The following CAPRIN2 variants were observed in gnomAD, a reference collection of about 807,000 sequenced individuals.
CAPRIN2 encodes the protein caprin family member 2, also known as caprin-2.
A neutral mutation model predicts 130.4 loss-of-function variants in CAPRIN2; 66 were observed. The observed-to-expected ratio is 0.51, with a 90% CI of 0.42 to 0.62. The LOEUF (loss-of-function observed/expected upper bound fraction) is 0.62, where lower values mean the gene tolerates loss of function less well. Ranked by LOEUF, CAPRIN2 falls within the 20% of genes least tolerant of loss-of-function variation. The probability of loss-of-function intolerance (pLI) is 0.00; values close to 1 mark genes in which losing one functional copy is unlikely to be tolerated. For synonymous variants in CAPRIN2, 471 were observed against 444.1 expected, an observed-to-expected ratio of 1.06 and a Z score of -0.76; for missense variants, 1,185 against 1,246.6, an observed-to-expected ratio of 0.95 and a Z score of 0.74.
At chr12:30,725,646 C>A (rs1299231951) in intron 9 of CAPRIN2, among the ~76,000 whole-genome samples, 1 of 152,188 alleles carries the variant, frequency 6.6e-6, no homozygotes, top group Admixed American at 6.5e-5. Flanking sequence ...CTAACAATAT[C>A]AGGCACAGAG....
chr12:30,737,821 T>C (rs527550513), intron 3 of CAPRIN2, among the ~76,000 whole-genome samples: 41 of 151,950 alleles, frequency 2.7e-4, no homozygotes, highest in East Asian at 2.5e-3. Context: ...ATGGTCTGGA[T>C]CTCCTGACCT....
At chr12:30,754,780 G>C (rs1481631714), upstream of CAPRIN2, 1 of 152,724 alleles carries the variant, frequency 6.5e-6, no homozygotes, top group Non-Finnish European at 1.5e-5. Context: ...CGCCGCTGCC[G>C]CAGCCCGGGC....
chr12:30,728,588 TA>T (rs1345138362), intron 8 of CAPRIN2, 59 bp downstream of exon 9: 1 of 1,381,658 alleles, frequency 7.2e-7, no homozygotes, highest in Non-Finnish European at 9.8e-7. Flanking sequence ...AAAAAGTCAT[TA>T]CCACGACACC....
At chr12:30,746,228 T>G (rs556790511) in intron 2 of CAPRIN2, among the ~76,000 whole-genome samples, 4 of 152,308 alleles carry the variant, frequency 2.6e-5, no homozygotes, top group Non-Finnish European at 5.9e-5. Flanking sequence ...GTGGATACAT[T>G]TGCATTCAAC....
intron 15 of CAPRIN2, among the ~76,000 whole-genome samples, chr12:30,713,342 C>T (rs2055999373): frequency 6.6e-6 from 1 of 151,286 alleles, no homozygotes; most frequent in African/African-American, 2.4e-5. Context: ...AAAAACTTAA[C>T]GAAAAAGGGC....
chr12:30,742,550 A>G (rs556533139), intron 2 of CAPRIN2, among the ~76,000 whole-genome samples: 116 of 152,282 alleles, frequency 7.6e-4, no homozygotes, highest in African/African-American at 2.7e-3. Context: ...AAAACTAAGT[A>G]GAGAGAACCA....
intron 3 of CAPRIN2, 72 bp downstream of exon 4, chr12:30,740,948 T>G: frequency 2.3e-6 from 2 of 876,506 alleles, no homozygotes; most frequent in Admixed American, 4.0e-5. Flanking sequence ...TACTAGACAC[T>G]GACACACTGA....
chr12:30,712,885 C>T (rs2055672137), intron 15 of CAPRIN2, among the ~76,000 whole-genome samples: 1 of 151,950 alleles, frequency 6.6e-6, no homozygotes, highest in African/African-American at 2.4e-5. Flanking sequence ...GGGATTAAGG[C>T]GTGTGCCACC....
intron 12 of CAPRIN2, 119 bp from the exon 15 acceptor site, chr12:30,716,795 G>T (rs2057720707): frequency 1.3e-6 from 1 of 772,168 alleles, no homozygotes; most frequent in Non-Finnish European, 2.1e-6. Flanking sequence ...GACTTGAATA[G>T]ACATCTCTCC....
intron 12 of CAPRIN2, 139 bp from the exon 15 acceptor site, chr12:30,716,815 A>G (rs1193493784): frequency 4.5e-6 from 3 of 673,304 alleles, no homozygotes; most frequent in Non-Finnish European, 7.6e-6. Flanking sequence ...CAAAGAAGAT[A>G]AATGGCAAAT....
chr12:30,715,370 A>T, intron 13 of CAPRIN2: 1 of 611,020 alleles, frequency 1.6e-6, no homozygotes, highest in South Asian at 1.6e-5. Context: ...CCCATGCTAC[A>T]ACATGAATGA....
chr12:30,713,792 G>T (rs760501547), exon 15 of CAPRIN2: 3 of 1,587,858 alleles, frequency 1.9e-6, no homozygotes, highest in Non-Finnish European at 2.6e-6. Context: ...TACCCTTTGG[G>T]AATAAGGTGC....
Position 30,715,118 on chromosome 12 carries a change from T to C in CAPRIN2, c.2341A>G (p.Ile781Val). ...GCAAGGCTACCATTGCTTACTTGAATAGTTCCATCAGGATGATAATTTGCT... is the reference window on the plus strand; with the variant it reads ...GCAAGGCTACCATTGCTTACTTGAACAGTTCCATCAGGATGATAATTTGCT... The change falls in exon 14 of 17, where the codon ATT becomes GTT. Residue 781 changes from isoleucine to valine, a missense_variant. By Grantham distance (29) the Ile-to-Val change is conservative. Transcript: ENST00000298892. 4 of 1,614,034 alleles carry C rather than the reference T, an allele frequency of 2.5e-6. No individual in the cohort carries two copies. The highest frequency in any genetic ancestry group is 3.4e-6 in the Non-Finnish European group (4 of 1,179,930).
At chr12:30,730,239 C>T in exon 7 of CAPRIN2, 1 of 1,609,660 alleles carries the variant, frequency 6.2e-7, no homozygotes, top group South Asian at 1.1e-5. Flanking sequence ...AGTATCTTAC[C>T]TCTTGTGGTT....
chr12:30,737,666 C>T (rs186936182), intron 3 of CAPRIN2, among the ~76,000 whole-genome samples: 2,591 of 149,264 alleles, frequency 0.017, 40 homozygotes, highest in Non-Finnish European at 0.023. Flanking sequence ...GGCACGATCT[C>T]GGCCCACTGC....
Position 30,741,100 on chromosome 12 carries a change from C to T in CAPRIN2, c.490G>A (p.Val164Ile), listed in dbSNP as rs748222522. Residue 164 changes from valine to isoleucine, a missense_variant, in exon 3 of 17, where the codon GTA becomes ATA. Val to Ile is a conservative substitution (Grantham distance 29). Coordinates refer to ENST00000298892, the Ensembl canonical transcript of CAPRIN2. Reference sequence around the variant, plus strand: ...TGTAGCACTTCTTCATATTTCTCTACAGCTTCCTACCAAATAGGATAAGAA... The same window carrying T: ...TGTAGCACTTCTTCATATTTCTCTATAGCTTCCTACCAAATAGGATAAGAA... 23 of 1,593,868 alleles carry T rather than the reference C, an allele frequency of 1.4e-5. No individual in the cohort carries two copies. Among genetic ancestry groups the T allele is most frequent in the East Asian group, 6.7e-5 (3 of 44,508 alleles).
At chr12:30,715,408 G>A in intron 13 of CAPRIN2, 5 of 543,936 alleles carry the variant, frequency 9.2e-6, no homozygotes, top group South Asian at 7.7e-5. Context: ...AGTAAAATAA[G>A]CTAGTTTCAA....
exon 1 of CAPRIN2, chr12:30,754,381 C>G (rs980819467): frequency 5.9e-5 from 9 of 153,130 alleles, no homozygotes; most frequent in Admixed American, 4.6e-4. Flanking sequence ...CCTTTCTCCC[C>G]CCTTAGGAGC....
intron 5 of CAPRIN2, among the ~76,000 whole-genome samples, chr12:30,733,067 C>A (rs2063290086): frequency 6.6e-6 from 1 of 152,010 alleles, no homozygotes; most frequent in East Asian, 1.9e-4. Flanking sequence ...ATATTTACTA[C>A]CTTCTAGTGA....
Sources: allele counts gnomAD v4.1 joint callset (sites outside exome capture counted in the v4.1 genomes callset), GRCh38; gene constraint gnomAD v4.1.1; transcripts MANE v1.5; gene names NCBI Gene and HGNC (gene_info 2026-07-23, HGNC 2026-07-21).